The following NHS variants were observed in gnomAD, a reference collection of about 807,000 sequenced individuals.
NHS encodes the protein NHS actin remodeling regulator.
Under a neutral mutation model 72.5 loss-of-function variants are expected in NHS, and 5 were observed. That is an observed-to-expected ratio of 0.07 (90% confidence interval 0.04 to 0.14). The LOEUF is 0.14. Ranked by LOEUF, NHS falls within the 10% of genes least tolerant of loss-of-function variation. NHS has a pLI of 1.00. For synonymous variants in NHS, 464 were observed against 547.7 expected, an observed-to-expected ratio of 0.85 and a Z score of 2.13; for missense variants, 1,072 against 1,355.7, an observed-to-expected ratio of 0.79 and a Z score of 3.29.
At chrX:17,674,296 C>T (rs1440577330) in intron 1 of NHS, among the ~76,000 whole-genome samples, 2 of 111,882 alleles carry the variant, frequency 1.8e-5, no homozygotes, top group Non-Finnish European at 3.8e-5. Flanking sequence ...CTGCCTCAAA[C>T]CAACCGGAGA....
At chrX:17,419,946 T>G (rs748154745) in intron 1 of NHS, among the ~76,000 whole-genome samples, 26 of 112,023 alleles carry the variant, frequency 2.3e-4, no homozygotes, top group Non-Finnish European at 4.5e-4. Context: ...GTATCCCTCA[T>G]GGATTTTTCC....
chrX:17,533,739 C>T, intron 1 of NHS, among the ~76,000 whole-genome samples: 1 of 112,148 alleles, frequency 8.9e-6, no homozygotes, highest in East Asian at 2.8e-4. Flanking sequence ...CTTCCTGACA[C>T]AGCCCTTTGG....
Position 17,733,703 on chromosome X carries a change from G to C in NHS, c.*1239G>C, listed in dbSNP as rs1157788519. 1.8e-5 allele frequency: 2 copies of C among 112,140 alleles called. No individual in the cohort carries two copies. The highest frequency in any genetic ancestry group is 3.8e-5 in the Non-Finnish European group (2 of 53,205). 9.2% of individuals were successfully genotyped at this position (112,140 alleles called of 1,213,427 possible). ...TGTGAACAATGTAGTTGGAAAATAG[G>C]TATGTGTATATGCATTATTTATACT... On this transcript the variant is annotated 3_prime_UTR_variant, in exon 9 of 9. Coordinates refer to ENST00000676302, the MANE Select transcript of NHS (RefSeq NM_001291867.2).
intron 1 of NHS, among the ~76,000 whole-genome samples, chrX:17,554,354 C>T (rs2065354820): frequency 8.9e-6 from 1 of 112,183 alleles, no homozygotes; most frequent in Non-Finnish European, 1.9e-5. Flanking sequence ...CCTCAGAACA[C>T]TGTGCAGAGA....
At chrX:17,684,506 C>CTTGA in intron 1 of NHS, among the ~76,000 whole-genome samples, 2 of 110,635 alleles carry the variant, frequency 1.8e-5, no homozygotes, top group Middle Eastern at 9.2e-3. Context: ...TGGCAGAATT[C>CTTGA]AGTTTCTTGA....
intron 1 of NHS, among the ~76,000 whole-genome samples, chrX:17,661,310 T>A (rs1421112679): frequency 9.0e-6 from 1 of 110,784 alleles, no homozygotes; most frequent in Non-Finnish European, 1.9e-5. Flanking sequence ...AACGTGCAGG[T>A]TTGTTACATA....
intron 1 of NHS, among the ~76,000 whole-genome samples, chrX:17,522,821 A>C (rs2065156811): frequency 9.0e-6 from 1 of 111,219 alleles, no homozygotes; most frequent in Non-Finnish European, 1.9e-5. Flanking sequence ...TCTCCAAGTT[A>C]TTATGTGAGA....
intron 1 of NHS, among the ~76,000 whole-genome samples, chrX:17,482,506 G>A (rs1375602647): frequency 8.9e-6 from 1 of 112,508 alleles, no homozygotes; most frequent in Non-Finnish European, 1.9e-5. Flanking sequence ...AAGGTGCCAT[G>A]TCTAGGTTTT....
chrX:17,425,299 A>T (rs1239689116), intron 1 of NHS, among the ~76,000 whole-genome samples: 1 of 110,397 alleles, frequency 9.1e-6, no homozygotes, highest in African/African-American at 3.3e-5. Context: ...TGTCCGTTAC[A>T]TATTCCAGCT....
At chrX:17,393,073 T>C (rs775967358) in intron 1 of NHS, among the ~76,000 whole-genome samples, 15 of 112,201 alleles carry the variant, frequency 1.3e-4, no homozygotes, top group Non-Finnish European at 2.3e-4. Flanking sequence ...GAGTATACCA[T>C]GGTATGGGCA....
At chrX:17,548,821 A>G (rs947559718) in intron 1 of NHS, among the ~76,000 whole-genome samples, 8 of 111,738 alleles carry the variant, frequency 7.2e-5, no homozygotes, top group African/African-American at 9.8e-5. Flanking sequence ...AGGAAAAGGA[A>G]GAGGGCTGAC....
At chrX:17,390,523 A>G (rs2064439288) in intron 1 of NHS, among the ~76,000 whole-genome samples, 1 of 111,602 alleles carries the variant, frequency 9.0e-6, no homozygotes, top group African/African-American at 3.3e-5. Context: ...GTGAGAAGTC[A>G]TAGGGCTTTC....
rs773484874 is a variant in NHS at position 17,731,894 on chromosome X, G to C, written c.4386G>C (p.Gly1462=). The change falls in exon 9 of 9, where the codon GGG becomes GGC. Residue 1462 remains glycine, a synonymous_variant. Transcript: ENST00000676302. ...AAGTACTTGGAAGAAAAGATTCCGG[G>C]GACATGTCTGTTCGAAGCAAATCGA... ...KRKVLGRKDS[G]DMSVRSKSRA... The C allele has an allele frequency of 1.0e-5, 12 of 1,205,732 alleles. No homozygotes were observed. The highest frequency in any genetic ancestry group is 1.3e-5 in the Non-Finnish European group (12 of 891,869).
intron 1 of NHS, among the ~76,000 whole-genome samples, chrX:17,530,419 C>G (rs2065192992): frequency 9.0e-6 from 1 of 111,372 alleles, no homozygotes; most frequent in Non-Finnish European, 1.9e-5. Context: ...TTGTCACCAG[C>G]AAGCAGGTGG....
intron 1 of NHS, among the ~76,000 whole-genome samples, chrX:17,438,285 A>G (rs1421343942): frequency 8.9e-6 from 1 of 112,216 alleles, no homozygotes; most frequent in Non-Finnish European, 1.9e-5. Context: ...GCTGTCCTTT[A>G]CATTTGGAAT....
chrX:17,418,234 G>A (rs185916518), intron 1 of NHS, among the ~76,000 whole-genome samples: 31 of 111,924 alleles, frequency 2.8e-4, no homozygotes, highest in Non-Finnish European at 4.9e-4. Context: ...GATGGCAAAT[G>A]TATGTGTGAA....
rs181693134 is a variant in NHS at position 17,728,720 on chromosome X, T to C, written c.4294T>C (p.Phe1432Leu). 3.8e-5 allele frequency: 46 copies of C among 1,209,246 alleles called. No homozygotes were observed. The highest frequency in any genetic ancestry group is 3.3e-4 in the African/African-American group (19 of 56,970). Reference sequence around the variant, plus strand: ...CTCCCAAGCTGAAGCAGAGGGTGTGTTCGTGTCTCCAAACAAACCTCGAAC... The same window carrying C: ...CTCCCAAGCTGAAGCAGAGGGTGTGCTCGTGTCTCCAAACAAACCTCGAAC... ...EDSQAEAEGV[F>L]VSPNKPRTTE... Residue 1432 changes from phenylalanine (F) to leucine (L), a missense_variant, in exon 8 of 9, where the codon TTC becomes CTC. Transcript: ENST00000676302.
At chrX:17,618,131 A>G (rs1044474230) in intron 1 of NHS, among the ~76,000 whole-genome samples, 1 of 111,960 alleles carries the variant, frequency 8.9e-6, no homozygotes, top group African/African-American at 3.2e-5. Context: ...GGTGGTCTGG[A>G]TTTGTGATCT....
intron 1 of NHS, among the ~76,000 whole-genome samples, chrX:17,423,276 A>G (rs2064633144): frequency 9.0e-6 from 1 of 111,568 alleles, no homozygotes; most frequent in Non-Finnish European, 1.9e-5. Flanking sequence ...TTTAATGTGG[A>G]TTTCTATCAT....
Sources: gnomAD v4.1 joint callset for allele counts (sites outside exome capture counted in the v4.1 genomes callset) on GRCh38, gnomAD v4.1.1 for gene constraint, MANE v1.5 for transcripts, NCBI Gene and HGNC (gene_info 2026-07-23, HGNC 2026-07-21) for gene names.